The following C2 variants were observed in gnomAD, a reference collection of about 807,000 sequenced individuals.
C2 encodes the protein complement C2.
A neutral mutation model predicts 85.2 loss-of-function variants in C2; 64 were observed. The ratio of observed to expected loss-of-function variants is 0.75; its 90% CI spans 0.61 to 0.92. The LOEUF (loss-of-function observed/expected upper bound fraction) is 0.92, where lower values mean the gene tolerates loss of function less well. Ranked by LOEUF, C2 falls within the 40% of genes least tolerant of loss-of-function variation. C2 has a pLI of 0.00. For missense variants in C2, 820 were observed against 971.6 expected (o/e 0.84, Z 2.07); for synonymous variants, 311 against 370.8 (o/e 0.84, Z 1.85).
chr6:31,902,311 G>A (rs1166061606), intron 1 of C2, among the ~76,000 whole-genome samples: 2 of 151,742 alleles, frequency 1.3e-5, no homozygotes, highest in African/African-American at 2.4e-5. Context: ...GCCGCGCGGA[G>A]GCCCGCTCAC....
At chr6:31,925,324 C>T (rs997041018), upstream of C2, among the ~76,000 whole-genome samples, 1 of 151,868 alleles carries the variant, frequency 6.6e-6, no homozygotes, top group African/African-American at 2.4e-5. Flanking sequence ...ACAGAGTCTC[C>T]CTATGTCACC....
intron 7 of C2, 174 bp downstream of exon 7, chr6:31,936,235 C>T (rs1278294268): frequency 3.0e-6 from 2 of 676,400 alleles, no homozygotes; most frequent in African/African-American, 1.8e-5. Context: ...TCCAGCTGCC[C>T]CCAGCTCATA....
rs28934590 is a variant in C2 at position 31,933,876 on chromosome 6, C to T, written c.626C>T (p.Ser209Phe). The T allele has an allele frequency of 1.9e-6, 3 of 1,614,042 alleles. No individual in the cohort carries two copies. The highest frequency in any genetic ancestry group is 3.3e-5 in the Admixed American group (2 of 60,010). The change falls in exon 5 of 18, where the codon TCT (serine) becomes TTT (phenylalanine). Residue 209 changes from serine (S) to phenylalanine (F), a missense_variant. Physicochemically the swap from Ser to Phe is radical, Grantham distance 155. Transcript: ENST00000299367. The stretch of plus-strand genomic sequence containing the variant: ...GTGGCTCTCCCCACAGAACCCTACT[C>T]TTATGACTTCCCTGAGGACGTGGCC... ...GTEPICRQPYSYDFPEDVAPA... is the reference protein window; with the variant it reads ...GTEPICRQPYFYDFPEDVAPA...
Position 31,933,674 on chromosome 6 carries a change from T to G in C2, c.507T>G (p.His169Gln), listed in dbSNP as rs779793398. ...GAVRTGFRFG[H>Q]GDKVRYRCSS... Reference sequence around the variant, plus strand: ...TGCGGACAGGCTTCCGCTTTGGTCATGGGGACAAGGTCCGCTATCGCTGCT... The same window carrying G: ...TGCGGACAGGCTTCCGCTTTGGTCAGGGGGACAAGGTCCGCTATCGCTGCT... Residue 169 changes from histidine to glutamine, a missense_variant, in exon 4 of 18, where the codon CAT becomes CAG. His to Gln is a conservative substitution (Grantham distance 24). Transcript: ENST00000299367. The G allele has an allele frequency of 6.2e-7, 1 of 1,613,020 alleles. No homozygotes were observed. Among genetic ancestry groups the G allele is most frequent in the Admixed American group, 1.7e-5 (1 of 60,010 alleles).
At position 31,928,058 on chromosome 6, in the gene C2, C is replaced by T. The variant is rs1486328973; in HGVS notation, c.150C>T (p.Ser50=). The change falls in exon 2 of 18, where the codon TCC becomes TCT. Residue 50 remains serine (S), a synonymous_variant. Transcript: ENST00000299367. ...GWAPGSLLTY[S]CPQGLYPSPA... ...CTCCTGGGAGCCTTCTCACCTACTC[C>T]TGCCCCCAGGGCCTGTACCCATCCC... 6.2e-7 allele frequency: 1 copy of T among 1,614,160 alleles called. No individual in the cohort carries two copies. Among genetic ancestry groups the T allele is most frequent in the African/African-American group, 1.3e-5 (1 of 75,032 alleles).
At chr6:31,931,970 G>C (rs9267684) in intron 3 of C2, among the ~76,000 whole-genome samples, 3 of 99,816 alleles carry the variant, frequency 3.0e-5, no homozygotes, top group Admixed American at 1.2e-4. Flanking sequence ...TCCCGGACGG[G>C]GCGGCTGGCC....
chr6:31,905,814 T>G (rs1182649103), intron 1 of C2, among the ~76,000 whole-genome samples: 1 of 151,934 alleles, frequency 6.6e-6, no homozygotes, highest in African/African-American at 2.4e-5. Flanking sequence ...AGCAGCTTAC[T>G]TTGAAAAGGG....
At chr6:31,932,189 C>T (rs1769882416) in intron 3 of C2, among the ~76,000 whole-genome samples, 2 of 140,280 alleles carry the variant, frequency 1.4e-5, no homozygotes, top group African/African-American at 2.7e-5. Context: ...CCAGTAGGGG[C>T]GGCCGGGCAG....
rs746132770 is a variant in C2 at position 31,928,751 on chromosome 6, T to C, written c.276T>C (p.Pro92=). The C allele has an allele frequency of 2.5e-6, 4 of 1,614,174 alleles. No homozygotes were observed. The highest frequency in any genetic ancestry group is 2.2e-5 in the South Asian group (2 of 91,072). The change falls in exon 3 of 18, where the codon CCT becomes CCC. Residue 92 remains proline, a synonymous_variant. Transcript: ENST00000299367. ...AVCKPVRCPA[P]VSFENGIYTP... ...CTCCAGCTGTGCGCTGTCCAGCCCC[T>C]GTCTCCTTTGAGAATGGCATTTATA...
chr6:31,941,878 G>A (rs2151767819), intron 9 of C2, among the ~76,000 whole-genome samples: 1 of 148,622 alleles, frequency 6.7e-6, no homozygotes, highest in South Asian at 2.1e-4. Flanking sequence ...GAGTGCAGTG[G>A]TGCAATCTCG....
intron 9 of C2, among the ~76,000 whole-genome samples, chr6:31,940,973 T>C (rs1369946899): frequency 6.6e-6 from 1 of 152,136 alleles, no homozygotes; most frequent in Non-Finnish European, 1.5e-5. Flanking sequence ...AGGAGTAGAC[T>C]CTGTGGTCTG....
upstream of C2, among the ~76,000 whole-genome samples, chr6:31,925,294 C>CT (rs900022531): frequency 8.6e-5 from 13 of 151,194 alleles, no homozygotes; most frequent in Admixed American, 2.0e-4. Context: ...GAGTATTGCG[C>CT]TTTTTTTTTC....
Position 31,931,518 on chromosome 6 carries a change from G to A in C2, c.443-2092G>A, listed in dbSNP as rs577285616. Among the ~76,000 whole-genome samples the A allele has an allele frequency of 9.3e-4, 141 of 151,530 alleles. 2 individuals carry two copies. The East Asian group carries it at 0.022, about 24-fold the overall frequency. On this transcript the variant is annotated intron_variant, in intron 3 of 17. Coordinates refer to ENST00000299367, the MANE Select transcript of C2 (RefSeq NM_000063.6). ...TGTTTAACAAAGCACATCTTGCACC[G>A]CTCTTAATCCATTCAACCCTGAGTG...
At position 31,943,613 on chromosome 6, in the gene C2, G is replaced by T; in HGVS notation, c.1568-31G>T. 2 of 1,612,338 alleles carry T rather than the reference G, an allele frequency of 1.2e-6. No individual in the cohort carries two copies. The highest frequency in any genetic ancestry group is 1.7e-6 in the Non-Finnish European group (2 of 1,179,440). On this transcript the variant is annotated intron_variant, in intron 12 of 17. Transcript: ENST00000299367. This position sits in a 1 kb window ranked among gnomAD's most constrained non-coding sequence, Gnocchi z 6.4. ...AGCCTCTGGCCCCTGCAGGAGCCCT[G>T]GTCTAGCCTAATCTAGTGTATCATT...
Position 31,943,064 on chromosome 6 carries a change from C to T in C2, c.1325C>T (p.Thr442Ile), listed in dbSNP as rs1771018713. 3 of 1,613,088 alleles carry T rather than the reference C, an allele frequency of 1.9e-6. No individual in the cohort carries two copies. The highest frequency in any genetic ancestry group is 1.7e-6 in the Non-Finnish European group (2 of 1,180,046). Residue 442 changes from threonine (T) to isoleucine (I), a missense_variant, in exon 10 of 18, where the codon ACA becomes ATA. Thr to Ile is a moderately conservative substitution (Grantham distance 89, BLOSUM62 -1). Transcript: ENST00000299367. The surrounding 1 kb of genome is among the most constrained non-coding windows in gnomAD (Gnocchi z 6.4). ...GERHAFILQD[T>I]KALHQVFEHM... ...AGGCATGCCTTCATTCTGCAGGACA[C>T]AAAGGCTCTGCACCAGGTCTTTGAA...
At chr6:31,912,646 T>G (rs543238254) in intron 1 of C2, among the ~76,000 whole-genome samples, 1 of 151,878 alleles carries the variant, frequency 6.6e-6, no homozygotes, top group South Asian at 2.1e-4. Flanking sequence ...TCGAGACCAG[T>G]CTGGCCAACA....
intron 1 of C2, among the ~76,000 whole-genome samples, chr6:31,908,284 G>A (rs1042461549): frequency 1.3e-5 from 2 of 151,684 alleles, no homozygotes; most frequent in Admixed American, 1.3e-4. Flanking sequence ...ATGAGCCACC[G>A]TGCTCGGCCC....
Position 31,943,256 on chromosome 6 carries a change from G to T in C2, c.1392G>T (p.Gly464=), listed in dbSNP as rs1470826214. ...DVSKLTDTIC[G]VGNMSANASD... is the part of the protein sequence containing the mutation. ...CCAAGCTCACAGACACCATCTGCGG[G>T]GTGGGGAACATGTCAGCAAACGCCT... is the stretch of plus-strand genomic sequence containing the variant. The change falls in exon 11 of 18, where the codon GGG becomes GGT. Residue 464 remains glycine, a synonymous_variant. Transcript: ENST00000299367. The surrounding 1 kb of genome is among the most constrained non-coding windows in gnomAD (Gnocchi z 6.4). 1 of 1,613,076 alleles carries T rather than the reference G, an allele frequency of 6.2e-7. No individual in the cohort carries two copies. The highest frequency in any genetic ancestry group is 8.5e-7 in the Non-Finnish European group (1 of 1,180,024).
chr6:31,923,421 TGCCAGCCAGGGCCACACAC>T (rs1296054000), upstream of C2, among the ~76,000 whole-genome samples: 3 of 152,148 alleles, frequency 2.0e-5, no homozygotes, highest in Non-Finnish European at 4.4e-5. Context: ...TGAGCAGCTC[TGCCAGCCAGGGCCACACAC>T]GCCATCTCAG....
Sources: gnomAD v4.1 joint callset for allele counts (sites outside exome capture counted in the v4.1 genomes callset) on GRCh38, gnomAD v4.1.1 for gene constraint, Gnocchi (gnomAD v3.1) non-coding constraint, MANE v1.5 for transcripts, NCBI Gene and HGNC (gene_info 2026-07-23, HGNC 2026-07-21) for gene names.